The following LMBR1 variants were observed in gnomAD, a reference collection of about 807,000 sequenced individuals.
LMBR1 encodes the protein limb development membrane protein 1.
A neutral mutation model predicts 73.9 loss-of-function variants in LMBR1; 52 were observed. That is an observed-to-expected ratio of 0.70 (90% CI 0.56 to 0.89). The LOEUF is 0.89. Ranked by LOEUF, LMBR1 falls within the 40% of genes least tolerant of loss-of-function variation. The pLI is 0.00. For synonymous variants in LMBR1, 215 were observed against 209.4 expected (o/e 1.03, Z -0.23); for missense variants, 539 against 579.8 (o/e 0.93, Z 0.72).
intron 5 of LMBR1, among the ~76,000 whole-genome samples, chr7:156,770,481 C>T (rs1362952938): frequency 6.6e-6 from 1 of 151,852 alleles, no homozygotes. Context: ...TTTATAAAAA[C>T]ATAAAGTGTA....
chr7:156,891,700 C>T (rs1049202095), intron 1 of LMBR1, among the ~76,000 whole-genome samples: 12 of 152,108 alleles, frequency 7.9e-5, no homozygotes, highest in African/African-American at 2.7e-4. Flanking sequence ...TTCAGGAGTA[C>T]ACAGGCGTGT....
chr7:156,831,254 G>C (rs1055048324), intron 3 of LMBR1, among the ~76,000 whole-genome samples: 93 of 143,946 alleles, frequency 6.5e-4, no homozygotes, highest in Admixed American at 1.9e-3. Context: ...ACCCCTAATT[G>C]TATCAAGCAC....
chr7:156,851,230 G>T (rs550683352), intron 1 of LMBR1, among the ~76,000 whole-genome samples: 4 of 152,254 alleles, frequency 2.6e-5, no homozygotes, highest in South Asian at 4.1e-4. Context: ...AAACAGAGAA[G>T]TAAACAAAAT....
intron 1 of LMBR1, among the ~76,000 whole-genome samples, chr7:156,861,951 C>A (rs1252618645): frequency 2.0e-5 from 3 of 152,194 alleles, no homozygotes; most frequent in Non-Finnish European, 4.4e-5. Context: ...TCCACATTTT[C>A]CTGTCTTCTT....
intron 15 of LMBR1, among the ~76,000 whole-genome samples, chr7:156,695,788 C>T (rs1011403578): frequency 6.6e-6 from 1 of 151,674 alleles, no homozygotes; most frequent in African/African-American, 2.4e-5. Context: ...ACTTATACTA[C>T]CAATGTCAAG....
rs76709606 is a variant in LMBR1, at chr7:156,769,398, G to C, written c.424-5603C>G. ...AAAGCACCATTCAGACTCATTACAG[G>C]TAGGAGTAATGTAATTACCAGGGGC... On this transcript the variant is annotated intron_variant, in intron 5 of 16. Coordinates refer to ENST00000353442, the MANE Select transcript of LMBR1 (RefSeq NM_022458.4). 2.0e-3 allele frequency among the ~76,000 whole-genome samples: 304 copies of C among 152,280 alleles called. 9 individuals are homozygous for C. The East Asian group carries it at 0.04, about 20-fold the overall frequency.
downstream of LMBR1, chr7:156,675,864 G>A: frequency 4.3e-6 from 7 of 1,611,444 alleles, no homozygotes; most frequent in African/African-American, 1.3e-5. Context: ...CCAAGTGCAG[G>A]TAGGTTTGGC....
intron 5 of LMBR1, among the ~76,000 whole-genome samples, chr7:156,790,952 C>A (rs1482342699): frequency 6.6e-6 from 1 of 152,118 alleles, no homozygotes; most frequent in African/African-American, 2.4e-5. Flanking sequence ...ACAGCATTAT[C>A]AGAATAGAGT....
At chr7:156,734,791 C>G (rs1165251103) in intron 9 of LMBR1, among the ~76,000 whole-genome samples, 1 of 152,208 alleles carries the variant, frequency 6.6e-6, no homozygotes, top group Admixed American at 6.5e-5. Context: ...CTTCTCTTCT[C>G]TATCTCACCT....
intron 9 of LMBR1, among the ~76,000 whole-genome samples, chr7:156,745,957 A>G (rs1222725453): frequency 1.3e-5 from 2 of 152,216 alleles, no homozygotes; most frequent in Non-Finnish European, 2.9e-5. Context: ...ATATTCAGGT[A>G]ATGTGACACA....
At chr7:156,729,666 G>C (rs1816470968) in intron 10 of LMBR1, among the ~76,000 whole-genome samples, 1 of 151,870 alleles carries the variant, frequency 6.6e-6, no homozygotes, top group Admixed American at 6.6e-5. Flanking sequence ...GTAGAGACAG[G>C]GTTTCACCAT....
At chr7:156,762,850 T>A (rs1042209671) in intron 7 of LMBR1, among the ~76,000 whole-genome samples, 13 of 143,000 alleles carry the variant, frequency 9.1e-5, no homozygotes, top group African/African-American at 3.3e-4. Flanking sequence ...AGTGTGAGTG[T>A]GTGTGTGTGT....
intron 3 of LMBR1, among the ~76,000 whole-genome samples, chr7:156,826,966 TAACA>T (rs377379702): frequency 6.6e-6 from 1 of 152,316 alleles, no homozygotes; most frequent in African/African-American, 2.4e-5. Context: ...TCAGTAAGTC[TAACA>T]AATAGTACCT....
At chr7:156,692,233 C>T (rs887396108) in intron 15 of LMBR1, among the ~76,000 whole-genome samples, 3 of 152,224 alleles carry the variant, frequency 2.0e-5, no homozygotes, top group South Asian at 2.1e-4. Flanking sequence ...CCCACCACCA[C>T]GCCCGGCTAA....
chr7:156,842,437 A>AGAG (rs1838889275), intron 1 of LMBR1, among the ~76,000 whole-genome samples: 1 of 140,498 alleles, frequency 7.1e-6, no homozygotes. Flanking sequence ...AACACGTTTT[A>AGAG]AGACTTGAGA....
intron 15 of LMBR1, among the ~76,000 whole-genome samples, chr7:156,712,219 T>G (rs1183111625): frequency 6.6e-6 from 1 of 152,012 alleles, no homozygotes; most frequent in Non-Finnish European, 1.5e-5. Flanking sequence ...AAAGACAGAC[T>G]TCAAAAGAGG....
intron 5 of LMBR1, among the ~76,000 whole-genome samples, chr7:156,792,989 T>C (rs1244336639): frequency 6.6e-6 from 1 of 152,192 alleles, no homozygotes; most frequent in East Asian, 1.9e-4. Context: ...GCGCTGAATC[T>C]ACCCATTAGA....
intron 5 of LMBR1, among the ~76,000 whole-genome samples, chr7:156,782,041 T>C (rs1023555396): frequency 7.9e-5 from 12 of 152,246 alleles, no homozygotes; most frequent in African/African-American, 2.7e-4. Flanking sequence ...TCTACAACTT[T>C]GACAATGCTA....
chr7:156,783,043 C>T (rs1168734852), intron 5 of LMBR1, among the ~76,000 whole-genome samples: 1 of 152,188 alleles, frequency 6.6e-6, no homozygotes, highest in African/African-American at 2.4e-5. Flanking sequence ...TGGCTTTCTG[C>T]ACTTCCATTA....
Sources: gnomAD v4.1 joint callset for allele counts (sites outside exome capture counted in the v4.1 genomes callset) on GRCh38, gnomAD v4.1.1 for gene constraint, MANE v1.5 for transcripts, NCBI Gene and HGNC (gene_info 2026-07-23, HGNC 2026-07-21) for gene names.